The following CYP2F1 variants were observed in gnomAD, a reference collection of about 807,000 sequenced individuals.
The protein encoded by CYP2F1 is cytochrome P450 family 2 subfamily F member 1, also known as cytochrome P450 2F1.
CYP2F1 carries 33 observed loss-of-function variants against 40.4 expected under a neutral mutation model. The observed-to-expected ratio is 0.82, with a 90% CI of 0.62 to 1.09. CYP2F1 has a LOEUF of 1.09. Ranked by LOEUF, CYP2F1 falls within the 50% of genes least tolerant of loss-of-function variation. The pLI is 0.00. For missense variants in CYP2F1, 566 were observed against 655.7 expected (o/e 0.86, Z 1.49); for synonymous variants, 235 against 277.2 (o/e 0.85, Z 1.51).
chr19:41,126,987 T>C (rs1599686877), intron 9 of CYP2F1, among the ~76,000 whole-genome samples: 1 of 152,144 alleles, frequency 6.6e-6, no homozygotes, highest in South Asian at 2.1e-4. Flanking sequence ...GGCATAATAA[T>C]AGGTAACTTA....
In CYP2F1 at chr19:41,127,930, G is replaced by A. The variant is rs748173142; in HGVS notation, c.1324G>A (p.Ala442Thr). Residue 442 changes from alanine (A) to threonine (T), a missense_variant, in exon 10 of 10, where the codon GCG becomes ACG. Physicochemically the swap from Ala to Thr is moderately conservative, Grantham distance 58 (BLOSUM62 0). This residue lies in a region of CYP2F1 where 85 missense variants were observed against 84.9 expected (regional missense o/e 1.00). Coordinates refer to ENST00000331105, the MANE Select transcript of CYP2F1 (RefSeq NM_000774.5). ...CCGTCTGTGCCTGGGAGAGTCGCTGGCGCGCATGGAGCTCTTTCTGTACCT... is the reference window on the plus strand; with the variant it reads ...CCGTCTGTGCCTGGGAGAGTCGCTGACGCGCATGGAGCTCTTTCTGTACCT... Reference protein sequence around the residue: ...GRRLCLGESLARMELFLYLTA... With the variant: ...GRRLCLGESLTRMELFLYLTA... 5.6e-6 allele frequency: 9 copies of A among 1,612,930 alleles called. No individual in the cohort carries two copies. The East Asian group carries it at 2.0e-4, about 36-fold the overall frequency.
intron 9 of CYP2F1, among the ~76,000 whole-genome samples, chr19:41,127,460 C>T (rs1188915016): frequency 6.6e-6 from 1 of 152,082 alleles, no homozygotes; most frequent in Non-Finnish European, 1.5e-5. Context: ...CTCAGCCTCC[C>T]AAGCAGCTGG....
Position 41,122,845 on chromosome 19 carries a change from C to G in CYP2F1, c.846C>G (p.His282Gln), listed in dbSNP as rs746554629. ...MAEEKEDPLSHFHMDTLLMTT... is the reference protein window; with the variant it reads ...MAEEKEDPLSQFHMDTLLMTT... ...AGGAGAAGGAGGACCCACTGAGCCACTTCCACATGGATACCCTGCTGATGA... is the reference window on the plus strand; with the variant it reads ...AGGAGAAGGAGGACCCACTGAGCCAGTTCCACATGGATACCCTGCTGATGA... Residue 282 changes from histidine to glutamine, a missense_variant, in exon 7 of 10, where the codon CAC (histidine) becomes CAG (glutamine). Physicochemically the swap from His to Gln is conservative, Grantham distance 24. Coordinates refer to ENST00000331105, the MANE Select transcript of CYP2F1 (RefSeq NM_000774.5). 6.5e-7 allele frequency: 1 copy of G among 1,549,260 alleles called. No individual in the cohort carries two copies. Among genetic ancestry groups the G allele is most frequent in the Non-Finnish European group, 8.7e-7 (1 of 1,146,920 alleles).
At chr19:41,119,721 CTCTATATATATA>C (rs1169860530) in intron 3 of CYP2F1, among the ~76,000 whole-genome samples, 1 of 37,112 alleles carries the variant, frequency 2.7e-5, no homozygotes, top group South Asian at 1.4e-3. Flanking sequence ...CTCTCTCTCT[CTCTATATATATA>C]TATATATATA....
chr19:41,117,881 G>A (rs1035892319), intron 3 of CYP2F1, among the ~76,000 whole-genome samples: 11 of 151,520 alleles, frequency 7.3e-5, no homozygotes, highest in Admixed American at 2.6e-4. Context: ...ATGGAGTCTC[G>A]TTCTGTTGCC....
intron 3 of CYP2F1, among the ~76,000 whole-genome samples, chr19:41,118,597 G>A (rs904712377): frequency 6.6e-6 from 1 of 152,158 alleles, no homozygotes; most frequent in Non-Finnish European, 1.5e-5. Flanking sequence ...TGGAGACAGG[G>A]CACTTGAGAA....
At chr19:41,125,923 A>G in intron 9 of CYP2F1, 1 of 475,234 alleles carries the variant, frequency 2.1e-6, no homozygotes, top group South Asian at 1.8e-5. Flanking sequence ...GCCTGAGGTC[A>G]GGAGTTCGAG....
Position 41,122,894 on chromosome 19 carries a change from G to T in CYP2F1, c.895G>T (p.Gly299Cys), listed in dbSNP as rs751469261. 11 of 1,603,160 alleles carry T rather than the reference G, an allele frequency of 6.9e-6. No homozygotes were observed. Among genetic ancestry groups the T allele is most frequent in the Non-Finnish European group, 9.4e-6 (11 of 1,174,038 alleles). Residue 299 changes from glycine (G) to cysteine (C), a missense_variant, in exon 7 of 10, where the codon GGC becomes TGC. Coordinates refer to ENST00000331105, the MANE Select transcript of CYP2F1 (RefSeq NM_000774.5). The part of the protein sequence containing the change: ...LMTTHNLLFG[G>C]TKTVSTTLHH... ...GACCACACATAACCTGCTCTTTGGC[G>T]GCACCAAGACGGTGAGCACCACGCT...
chr19:41,116,697 A>T, intron 3 of CYP2F1, 80 bp downstream of exon 3: 1 of 1,491,130 alleles, frequency 6.7e-7, no homozygotes, highest in Admixed American at 2.1e-5. Context: ...CTGTTGTCTC[A>T]ATCTTGTTGA....
At chr19:41,126,033 T>C (rs561713354) in intron 9 of CYP2F1, among the ~76,000 whole-genome samples, 4 of 152,134 alleles carry the variant, frequency 2.6e-5, no homozygotes, top group African/African-American at 9.6e-5. Flanking sequence ...CTCTGGAGGC[T>C]GAGACAGGAA....
In CYP2F1 at chr19:41,124,858, G is replaced by T. The variant is rs141890168; in HGVS notation, c.1104G>T (p.Pro368=). Residue 368 remains proline, a synonymous_variant, in exon 8 of 10, where the codon CCG becomes CCT. Transcript: ENST00000331105. ...CAGACATCATCCCCATGAACTTGCC[G>T]CACCGCGTCACTAGGGACACGGCCT... The part of the protein sequence containing the change: ...RFADIIPMNL[P]HRVTRDTAFR... 15 of 1,610,792 alleles carry T rather than the reference G, an allele frequency of 9.3e-6. No homozygotes were observed. Among genetic ancestry groups the T allele is most frequent in the Non-Finnish European group, 1.3e-5 (15 of 1,179,630 alleles).
intron 3 of CYP2F1, among the ~76,000 whole-genome samples, chr19:41,118,411 C>T (rs755838151): frequency 2.6e-5 from 4 of 152,164 alleles, no homozygotes; most frequent in Admixed American, 6.6e-5. Flanking sequence ...CTAGGGCTCT[C>T]CCTGGCTCCT....
At chr19:41,124,617 T>C in intron 7 of CYP2F1, 102 bp from the exon 8 acceptor site, 1 of 1,119,220 alleles carries the variant, frequency 8.9e-7, no homozygotes, top group South Asian at 1.5e-5. Flanking sequence ...GCTGGGAGAC[T>C]TTGACTAGAC....
At chr19:41,115,364 C>T (rs2031731331) in intron 1 of CYP2F1, among the ~76,000 whole-genome samples, 2 of 152,128 alleles carry the variant, frequency 1.3e-5, no homozygotes, top group Admixed American at 6.6e-5. Context: ...CTTTCTCTAG[C>T]TCTGTGTCTG....
At chr19:41,119,737 A>C (rs1423200028) in intron 3 of CYP2F1, among the ~76,000 whole-genome samples, 3 of 70,782 alleles carry the variant, frequency 4.2e-5, no homozygotes, top group African/African-American at 5.4e-5. Context: ...ATATATATAT[A>C]TATATATATA....
rs75869225 is a variant in CYP2F1 at position 41,128,169 on chromosome 19, T to C, written c.*87T>C. ...CCCCTTCTTGGTCCACAGTCTGCCC[T>C]CATCCCTCTGGCAGTCACGCTGTCT... On this transcript the variant is annotated 3_prime_UTR_variant, in exon 10 of 10. Transcript: ENST00000331105. 0.043 allele frequency: 57,915 copies of C among 1,333,332 alleles called. 2,164 individuals carry two copies. Among genetic ancestry groups the C allele is most frequent in the Admixed American group, 0.11 (4,753 of 43,740 alleles). The allele number at this position is 1,333,332 out of a possible 1,614,324, so 82.6% of individuals were successfully genotyped here.
At chr19:41,119,780 CACACAT>C (rs1467844441) in intron 3 of CYP2F1, among the ~76,000 whole-genome samples, 1 of 132,016 alleles carries the variant, frequency 7.6e-6, no homozygotes, top group Non-Finnish European at 1.6e-5. Context: ...CACACACACA[CACACAT>C]ATATATTAGG....
At chr19:41,123,110 G>A (rs58894601) in intron 7 of CYP2F1, 147 bp downstream of exon 7, 26,743 of 910,202 alleles carry the variant, frequency 0.029, 1,349 homozygotes, top group African/African-American at 0.19. Context: ...CCCACACGGA[G>A]GCCGATCCCA....
In CYP2F1 at chr19:41,124,786, G is replaced by A. The variant is rs764600264; in HGVS notation, c.1032G>A (p.Ala344=). The change falls in exon 8 of 10, where the codon GCG becomes GCA. Residue 344 remains alanine, a synonymous_variant. Transcript: ENST00000331105. The stretch of plus-strand genomic sequence containing the variant: ...GGCTGCCGGCGCTGAAGGACCGCGC[G>A]GCCATGCCTTACACAGACGCGGTGA... ...RARLPALKDR[A]AMPYTDAVIH... is the part of the protein sequence containing the mutation. 5 of 1,610,462 alleles carry A rather than the reference G, an allele frequency of 3.1e-6. No individual in the cohort carries two copies. Among genetic ancestry groups the A allele is most frequent in the African/African-American group, 2.7e-5 (2 of 75,012 alleles).
Sources: allele counts gnomAD v4.1 joint callset (sites outside exome capture counted in the v4.1 genomes callset), GRCh38; gene constraint gnomAD v4.1.1; regional missense constraint gnomAD v4.1.1; transcripts MANE v1.5; gene names NCBI Gene and HGNC (gene_info 2026-07-23, HGNC 2026-07-21).